GABRA2: variants seen among roughly 807,000 people sequenced by gnomAD.
The protein encoded by GABRA2 is gamma-aminobutyric acid type A receptor subunit alpha2.
In GABRA2, 16 loss-of-function variants were observed where a neutral mutation model predicts 48.7. The observed-to-expected ratio is 0.33, with a 90% CI of 0.22 to 0.50. GABRA2 has a LOEUF of 0.50. Ranked by LOEUF, GABRA2 falls within the 20% of genes least tolerant of loss-of-function variation. GABRA2 has a pLI of 0.98. For missense variants in GABRA2, 275 were observed against 535.6 expected, an observed-to-expected ratio of 0.51 and a Z score of 4.80; for synonymous variants, 185 against 184.5, an observed-to-expected ratio of 1.00 and a Z score of -0.02.
intron 8 of GABRA2, among the ~76,000 whole-genome samples, chr4:46,301,064 T>C (rs1257524779): frequency 6.6e-6 from 1 of 152,146 alleles, no homozygotes; most frequent in Non-Finnish European, 1.5e-5. Context: ...AGCATGTGAC[T>C]ATAGCTAACA....
intron 8 of GABRA2, among the ~76,000 whole-genome samples, chr4:46,284,244 A>G (rs1199199465): frequency 6.6e-6 from 1 of 152,202 alleles, no homozygotes; most frequent in Non-Finnish European, 1.5e-5. Context: ...TTCTTTAAAA[A>G]GTTCAGAAGC....
At chr4:46,383,483 T>G (rs1484482257) in intron 3 of GABRA2, among the ~76,000 whole-genome samples, 1 of 152,214 alleles carries the variant, frequency 6.6e-6, no homozygotes, top group African/African-American at 2.4e-5. Context: ...ATTTATTTTA[T>G]GACCACAATA....
At chr4:46,271,784 C>A (rs1057374945) in intron 8 of GABRA2, among the ~76,000 whole-genome samples, 1 of 151,790 alleles carries the variant, frequency 6.6e-6, no homozygotes. Flanking sequence ...AAACTCGTAT[C>A]CCTCTCCTCA....
chr4:46,290,165 T>C (rs1428967491), intron 8 of GABRA2, among the ~76,000 whole-genome samples: 2 of 151,296 alleles, frequency 1.3e-5, no homozygotes, highest in Non-Finnish European at 2.9e-5. Flanking sequence ...CAGCCTCCCA[T>C]AGTGCTGGGA....
intron 3 of GABRA2, among the ~76,000 whole-genome samples, chr4:46,340,514 A>G (rs1733036950): frequency 6.6e-6 from 1 of 151,928 alleles, no homozygotes; most frequent in Non-Finnish European, 1.5e-5. Context: ...TTTGTCATGA[A>G]TGAGTGTTGG....
intron 3 of GABRA2, among the ~76,000 whole-genome samples, chr4:46,361,760 G>A (rs1241541434): frequency 6.6e-6 from 1 of 152,220 alleles, no homozygotes; most frequent in Non-Finnish European, 1.5e-5. Context: ...TACCCTACAA[G>A]GCCATGGGCC....
At chr4:46,378,778 G>C (rs1716345195) in intron 3 of GABRA2, among the ~76,000 whole-genome samples, 4 of 151,632 alleles carry the variant, frequency 2.6e-5, no homozygotes, top group Admixed American at 2.6e-4. Context: ...AGTGGGCTGA[G>C]ATTGAGTCCA....
At chr4:46,359,211 G>A (rs888028835) in intron 3 of GABRA2, among the ~76,000 whole-genome samples, 26 of 152,038 alleles carry the variant, frequency 1.7e-4, no homozygotes, top group Non-Finnish European at 3.7e-4. Flanking sequence ...CCAAATTTAG[G>A]GAGATACTCT....
At chr4:46,279,927 T>G (rs1261494239) in intron 8 of GABRA2, among the ~76,000 whole-genome samples, 1 of 152,102 alleles carries the variant, frequency 6.6e-6, no homozygotes, top group Non-Finnish European at 1.5e-5. Flanking sequence ...GTAGTACTTA[T>G]AGATTGTATA....
In GABRA2 at chr4:46,246,386, T is replaced by C. The variant is rs1272711599; in HGVS notation, c.*3922A>G. Among the ~76,000 whole-genome samples the C allele has an allele frequency of 1.3e-5, 2 of 151,230 alleles. No individual in the cohort carries two copies. The highest frequency in any genetic ancestry group is 3.0e-5 in the Non-Finnish European group (2 of 67,468). ...AGCATGAATTCAGTAGATAAAAATA[T>C]GACTTGTCTTCTCCACACTGTTACA... On this transcript the variant is annotated 3_prime_UTR_variant, in exon 10 of 10. Coordinates refer to ENST00000381620, the MANE Select transcript of GABRA2 (RefSeq NM_000807.4).
intron 8 of GABRA2, among the ~76,000 whole-genome samples, chr4:46,287,629 T>C (rs1316455429): frequency 1.2e-5 from 1 of 83,456 alleles, no homozygotes; most frequent in Non-Finnish European, 2.2e-5. Context: ...GGGACTGTTG[T>C]GGGGTGGGGG....
rs1713284438 is a variant in GABRA2, at chr4:46,244,172, C to T, written c.*6136G>A. ...CTCAATAATTGAGTTTTACTTATGT[C>T]TTTCTAATTATACGTTACACCTTTT... On this transcript the variant is annotated 3_prime_UTR_variant, in exon 10 of 10. Transcript: ENST00000381620. 2.6e-5 allele frequency: 4 copies of T among 151,482 alleles called. No homozygotes were observed. In the South Asian group the frequency reaches 6.2e-4, roughly 24 times the overall value. 9.4% of individuals were successfully genotyped at this position (151,482 alleles called of 1,614,324 possible).
At chr4:46,323,607 T>G (rs1729826068) in intron 4 of GABRA2, among the ~76,000 whole-genome samples, 1 of 151,942 alleles carries the variant, frequency 6.6e-6, no homozygotes, top group African/African-American at 2.4e-5. Flanking sequence ...TGAGAAGCAC[T>G]GAGTGTATAC....
chr4:46,309,143 G>C (rs1194265950), intron 6 of GABRA2, among the ~76,000 whole-genome samples: 2 of 152,052 alleles, frequency 1.3e-5, no homozygotes, highest in Non-Finnish European at 2.9e-5. Flanking sequence ...GATTCTCAAA[G>C]AAAATTGAGA....
chr4:46,288,080 A>G (rs1403345319), intron 8 of GABRA2, among the ~76,000 whole-genome samples: 1 of 151,982 alleles, frequency 6.6e-6, no homozygotes, highest in Non-Finnish European at 1.5e-5. Context: ...AGAAACATCC[A>G]CCCCCATAAT....
intron 3 of GABRA2, among the ~76,000 whole-genome samples, chr4:46,356,101 C>T: frequency 6.6e-6 from 1 of 152,094 alleles, no homozygotes; most frequent in Non-Finnish European, 1.5e-5. Context: ...CACTCAATGC[C>T]CCTGACCATG....
intron 9 of GABRA2, among the ~76,000 whole-genome samples, chr4:46,257,450 A>T (rs1466983760): frequency 6.6e-6 from 1 of 151,594 alleles, no homozygotes; most frequent in African/African-American, 2.4e-5. Flanking sequence ...ATCTATCCTC[A>T]ATCCTGGATT....
intron 3 of GABRA2, among the ~76,000 whole-genome samples, chr4:46,332,915 T>A (rs1731615252): frequency 6.6e-6 from 1 of 152,130 alleles, no homozygotes; most frequent in African/African-American, 2.4e-5. Flanking sequence ...TTACTTGGAA[T>A]CCATACCTGA....
intron 3 of GABRA2, among the ~76,000 whole-genome samples, chr4:46,354,381 A>C (rs1735642112): frequency 6.6e-6 from 1 of 152,218 alleles, no homozygotes; most frequent in African/African-American, 2.4e-5. Flanking sequence ...AGAAGCATAA[A>C]GTAATTATCA....
Sources: gnomAD v4.1 joint callset for allele counts (sites outside exome capture counted in the v4.1 genomes callset) on GRCh38, gnomAD v4.1.1 for gene constraint, MANE v1.5 for transcripts, NCBI Gene and HGNC (gene_info 2026-07-23, HGNC 2026-07-21) for gene names.